Variants in JAG2 observed in about 807,000 individuals in gnomAD.
JAG2 encodes the protein jagged canonical Notch ligand 2.
In JAG2, 46 loss-of-function variants were observed where a neutral mutation model predicts 141.7. That is an observed-to-expected ratio of 0.32 (90% CI 0.26 to 0.42). The LOEUF is 0.42. JAG2 is among the 10% of genes least tolerant of loss of function. The probability of loss-of-function intolerance (pLI) is 1.00; values close to 1 mark genes in which losing one functional copy is unlikely to be tolerated. For synonymous variants in JAG2, 862 were observed against 763.5 expected, an observed-to-expected ratio of 1.13 and a Z score of -2.13; for missense variants, 1,500 against 1,817.5, an observed-to-expected ratio of 0.83 and a Z score of 3.18.
Position 105,142,798 on chromosome 14 carries a change from G to A in JAG2, c.3614C>T (p.Pro1205Leu), listed in dbSNP as rs1004920761. ...GGCCGGCCTCCCCGGCGAGCGGCCA[G>A]GATCTTTGGTGAATTTGTGTGAGAG... Reference protein sequence around the residue: ...KFLSHKFTKDPGRSPGRPAHW... With the variant: ...KFLSHKFTKDLGRSPGRPAHW... The change falls in exon 26 of 26, where the codon CCT becomes CTT. Residue 1205 changes from proline (P) to leucine (L), a missense_variant. By Grantham distance (98) the Pro-to-Leu change is moderately conservative (BLOSUM62 -3). Coordinates refer to ENST00000331782, the MANE Select transcript of JAG2 (RefSeq NM_002226.5). 9 of 1,611,000 alleles carry A rather than the reference G, an allele frequency of 5.6e-6. No homozygotes were observed. In the Admixed American group the frequency reaches 1.5e-4, roughly 27 times the overall value.
At chr14:105,149,624 C>T (rs1017478913) in intron 12 of JAG2, among the ~76,000 whole-genome samples, 2 of 151,590 alleles carry the variant, frequency 1.3e-5, no homozygotes, top group African/African-American at 4.8e-5. Context: ...GAGCCCCTCA[C>T]ACACTGCCTG....
chr14:105,151,816 A>G (rs1444206926), intron 7 of JAG2, 77 bp from the exon 8 acceptor site: 5 of 1,599,384 alleles, frequency 3.1e-6, no homozygotes, highest in Non-Finnish European at 4.3e-6. Flanking sequence ...CCAAGCCCAC[A>G]GGTTCCCAAG....
chr14:105,144,782 G>A (rs1325162736), intron 24 of JAG2, 148 bp downstream of exon 24: 20 of 1,047,588 alleles, frequency 1.9e-5, no homozygotes, highest in Non-Finnish European at 2.7e-5. Flanking sequence ...CTGCGGCATG[G>A]ACAGCGAGGG....
At position 105,148,844 on chromosome 14, in the gene JAG2, G is replaced by A. The variant is rs1439197142; in HGVS notation, c.1921C>T (p.Leu641=). The change falls in exon 15 of 26, where the codon CTG becomes TTG. Residue 641 remains leucine (L), a synonymous_variant. Transcript: ENST00000331782. The part of the protein sequence containing the change: ...TYCHENIDDC[L]GQPCRNGGTC... ...CCCCCATTGCGGCAGGGCTGGCCCA[G>A]GCAGTCGTCAATGTCTGCAGAGGCG... 1 of 1,592,698 alleles carries A rather than the reference G, an allele frequency of 6.3e-7. No homozygotes were observed. The highest frequency in any genetic ancestry group is 8.5e-7 in the Non-Finnish European group (1 of 1,170,496).
chr14:105,156,075 C>T, intron 3 of JAG2, 86 bp from the exon 4 acceptor site: 1 of 1,519,458 alleles, frequency 6.6e-7, no homozygotes, highest in Non-Finnish European at 8.9e-7. Flanking sequence ...GGGCAGAAGC[C>T]TGCGGCTGCT....
chr14:105,166,082 C>T lies in JAG2; in HGVS notation c.417+1675G>A, dbSNP rs587641840. ...CCTGGCCCCCAACCCAGAGACAGGC[C>T]GCCTGCCCCCTCCTGGGGCATTCGA... is the stretch of plus-strand genomic sequence containing the variant. On this transcript the variant is annotated intron_variant, in intron 2 of 25. Coordinates refer to ENST00000331782, the MANE Select transcript of JAG2 (RefSeq NM_002226.5). 7.9e-5 allele frequency among the ~76,000 whole-genome samples: 12 copies of T among 152,352 alleles called. No individual in the cohort carries two copies. In the South Asian group the frequency reaches 1.2e-3, roughly 16 times the overall value.
intron 2 of JAG2, among the ~76,000 whole-genome samples, chr14:105,162,930 A>C (rs1380321437): frequency 6.6e-6 from 1 of 151,038 alleles, no homozygotes; most frequent in Non-Finnish European, 1.5e-5. Context: ...ACCCCAATCT[A>C]CAGCATCCCA....
chr14:105,143,722 C>T, intron 24 of JAG2, 84 bp from the exon 25 acceptor site: 1 of 1,544,850 alleles, frequency 6.5e-7, no homozygotes, highest in Non-Finnish European at 8.8e-7. Flanking sequence ...GCCCTGGCCA[C>T]ACTGGAGCAA....
intron 15 of JAG2, 40 bp from the exon 16 acceptor site, chr14:105,148,479 G>A (rs760494389): frequency 9.4e-6 from 14 of 1,492,102 alleles, no homozygotes; most frequent in South Asian, 9.1e-5. Context: ...GGGGGTCACC[G>A]GCGCTCAGGG....
chr14:105,155,727 G>T lies in JAG2; in HGVS notation c.727+11C>A. 1 of 1,612,672 alleles carries T rather than the reference G, an allele frequency of 6.2e-7. No homozygotes were observed. Among genetic ancestry groups the T allele is most frequent in the Admixed American group, 1.7e-5 (1 of 60,006 alleles). ...CTCCCTGCCCTCCACGCAGCCCAGC[G>T]GCCCCCTCACCTTCCTTGCACTCCT... On this transcript the variant is annotated intron_variant, in intron 4 of 25. Coordinates refer to ENST00000331782, the MANE Select transcript of JAG2 (RefSeq NM_002226.5).
In JAG2 at chr14:105,168,543, A is replaced by T; in HGVS notation, c.-123T>A. 1 of 148,648 alleles carries T rather than the reference A, an allele frequency of 6.7e-6. No individual in the cohort carries two copies. The highest frequency in any genetic ancestry group is 2.1e-4 in the South Asian group (1 of 4,860). 9.2% of individuals were successfully genotyped at this position (148,648 alleles called of 1,614,324 possible). ...CCCGCAGAGGCAGCGGCAGCGGCAGAGGCGGCGGCGGCGGCGGCGCGGGCG... is the reference window on the plus strand; with the variant it reads ...CCCGCAGAGGCAGCGGCAGCGGCAGTGGCGGCGGCGGCGGCGGCGCGGGCG... On this transcript the variant is annotated 5_prime_UTR_variant, in exon 1 of 26. Transcript: ENST00000331782.
chr14:105,162,287 C>G (rs587745841), intron 2 of JAG2, among the ~76,000 whole-genome samples: 427 of 152,192 alleles, frequency 2.8e-3, no homozygotes, highest in Non-Finnish European at 4.7e-3. Context: ...CTGACCCACC[C>G]CCACCGCACA....
At chr14:105,161,115 G>A (rs1004816178) in intron 2 of JAG2, among the ~76,000 whole-genome samples, 1 of 150,044 alleles carries the variant, frequency 6.7e-6, no homozygotes, top group Non-Finnish European at 1.5e-5. Flanking sequence ...TTGGGGGTCC[G>A]AGTGAGGTCT....
chr14:105,156,074 C>G (rs2140985426), intron 3 of JAG2, 85 bp from the exon 4 acceptor site: 8 of 1,529,354 alleles, frequency 5.2e-6, no homozygotes, highest in Admixed American at 3.7e-5. Flanking sequence ...GGGGCAGAAG[C>G]CTGCGGCTGC....
Position 105,142,292 on chromosome 14 carries a change from C to T in JAG2, c.*403G>A. On this transcript the variant is annotated 3_prime_UTR_variant, in exon 26 of 26. Transcript: ENST00000331782. The stretch of plus-strand genomic sequence containing the variant: ...CCAACAGCCATGGGCCACACCAACA[C>T]AGCCATGGGTCTCACCGGCACTTTG... The T allele has an allele frequency of 5.1e-6, 1 of 195,600 alleles. No individual in the cohort carries two copies. Among genetic ancestry groups the T allele is most frequent in the Non-Finnish European group, 1.0e-5 (1 of 95,972 alleles). 12.1% of individuals were successfully genotyped at this position (195,600 alleles called of 1,614,324 possible).
chr14:105,159,511 C>A (rs1018311349), intron 2 of JAG2, among the ~76,000 whole-genome samples: 6 of 151,902 alleles, frequency 3.9e-5, no homozygotes, highest in African/African-American at 1.5e-4. Context: ...TGCCTACAGG[C>A]GCCAGACAAT....
Position 105,151,663 on chromosome 14 carries a change from G to C in JAG2, c.1116C>G (p.His372Gln), listed in dbSNP as rs775542056. ...TGGGCCCGCTCCAGCCCGATGGGCA[G>C]TGGCATTCGAAGCCGGACGGCACCT... ...CHEVPSGFEC[H>Q]CPSGWSGPTC... Residue 372 changes from histidine (H) to glutamine (Q), a missense_variant, in exon 8 of 26, where the codon CAC becomes CAG. Physicochemically the swap from His to Gln is conservative, Grantham distance 24. Coordinates refer to ENST00000331782, the MANE Select transcript of JAG2 (RefSeq NM_002226.5). 6.2e-7 allele frequency: 1 copy of C among 1,610,880 alleles called. No homozygotes were observed. Among genetic ancestry groups the C allele is most frequent in the South Asian group, 1.1e-5 (1 of 90,550 alleles).
intron 6 of JAG2, 24 bp from the exon 7 acceptor site, chr14:105,152,081 A>G: frequency 6.2e-7 from 1 of 1,613,056 alleles, no homozygotes; most frequent in Non-Finnish European, 8.5e-7. Context: ...TGGGATGCTC[A>G]GGGGAAAAGC....
chr14:105,152,319 C>T (rs374674008), intron 5 of JAG2, 28 bp from the exon 6 acceptor site: 106 of 1,609,698 alleles, frequency 6.6e-5, no homozygotes, highest in Non-Finnish European at 7.9e-5. Context: ...GGCGCAAGAC[C>T]CAGTGAGCTG....
Sources: allele counts gnomAD v4.1 joint callset (sites outside exome capture counted in the v4.1 genomes callset), GRCh38; gene constraint gnomAD v4.1.1; transcripts MANE v1.5; gene names NCBI Gene and HGNC (gene_info 2026-07-23, HGNC 2026-07-21).